The following CILP variants were observed in gnomAD, a reference collection of about 807,000 sequenced individuals.
The protein encoded by CILP is cartilage intermediate layer protein 1.
In CILP, 75 loss-of-function variants were observed where a neutral mutation model predicts 82.5. That is an observed-to-expected ratio of 0.91 (90% confidence interval 0.75 to 1.10). The LOEUF (loss-of-function observed/expected upper bound fraction) is 1.10, where lower values mean the gene tolerates loss of function less well. CILP is among the 50% of genes least tolerant of loss of function. CILP has a pLI of 0.00. For synonymous variants in CILP, 530 were observed against 580.3 expected (o/e 0.91, Z 1.25); for missense variants, 1,479 against 1,530.8 (o/e 0.97, Z 0.56).
chr15:65,208,085 A>G (rs950870252), intron 2 of CILP, among the ~76,000 whole-genome samples: 3 of 152,174 alleles, frequency 2.0e-5, no homozygotes, highest in Non-Finnish European at 1.5e-5. Flanking sequence ...TTGTTCTAGA[A>G]ATGGATTATC....
Position 65,201,888 on chromosome 15 carries a change from G to T in CILP, c.1170C>A (p.Ala390=). 1 of 1,560,418 alleles carries T rather than the reference G, an allele frequency of 6.4e-7. No homozygotes were observed. The highest frequency in any genetic ancestry group is 1.2e-5 in the South Asian group (1 of 83,084). Residue 390 remains alanine, a synonymous_variant, in exon 8 of 9, where the codon GCC becomes GCA. Transcript: ENST00000261883. ...SDAGAVKSKV[A]QLIVIASDET... is the part of the protein sequence containing the mutation. ...CAGGCTTACCTATGACAATCAGCTG[G>T]GCAACCTTGGACTTCACAGCCCCAG...
At position 65,197,627 on chromosome 15, in the gene CILP, C is replaced by T. The variant is rs775599324; in HGVS notation, c.2659G>A (p.Glu887Lys). The stretch of plus-strand genomic sequence containing the variant: ...GCATAGATGGGCCCATTGCTCTCCT[C>T]AGCTGAGTTGGGCCTTGGCTTGGCC... Reference protein sequence around the residue: ...SMAKPRPNSAEESNGPIYAFE... With the variant: ...SMAKPRPNSAKESNGPIYAFE... The change falls in exon 9 of 9, where the codon GAG becomes AAG. Residue 887 changes from glutamate to lysine, a missense_variant. Coordinates refer to ENST00000261883, the MANE Select transcript of CILP (RefSeq NM_003613.4). The T allele has an allele frequency of 1.2e-6, 2 of 1,614,254 alleles. No homozygotes were observed. The highest frequency in any genetic ancestry group is 1.1e-5 in the South Asian group (1 of 91,088).
intron 6 of CILP, 67 bp downstream of exon 6, chr15:65,204,201 G>T: frequency 6.9e-7 from 1 of 1,447,068 alleles, no homozygotes; most frequent in Non-Finnish European, 9.5e-7. Flanking sequence ...CCAGCTTTTA[G>T]CACTATAATC....
At position 65,198,835 on chromosome 15, in the gene CILP, C is replaced by A. The variant is rs370970341; in HGVS notation, c.1451G>T (p.Arg484Leu). Residue 484 changes from arginine to leucine, a missense_variant, in exon 9 of 9, where the codon CGG becomes CTG. Arg to Leu is a moderately radical substitution (Grantham distance 102). Coordinates refer to ENST00000261883, the MANE Select transcript of CILP (RefSeq NM_003613.4). The part of the protein sequence containing the change: ...TKVAKECSCQ[R>L]CTETRSIVRG... Reference sequence around the variant, plus strand: ...CACGATGCTCCGAGTTTCCGTACACCGCTGGCAGCTGCACTCCTTGGCCAC... The same window carrying A: ...CACGATGCTCCGAGTTTCCGTACACAGCTGGCAGCTGCACTCCTTGGCCAC... The A allele has an allele frequency of 2.5e-6, 4 of 1,614,038 alleles. No homozygotes were observed. Among genetic ancestry groups the A allele is most frequent in the African/African-American group, 2.7e-5 (2 of 74,938 alleles).
At chr15:65,202,135 C>T in intron 7 of CILP, 106 bp from the exon 8 acceptor site, 3 of 912,546 alleles carry the variant, frequency 3.3e-6, no homozygotes, top group Non-Finnish European at 4.8e-6. Flanking sequence ...GAATGGGTTC[C>T]CACAAATGTC....
At chr15:65,200,560 T>G (rs563473802) in intron 8 of CILP, among the ~76,000 whole-genome samples, 5 of 152,316 alleles carry the variant, frequency 3.3e-5, no homozygotes, top group African/African-American at 1.2e-4. Context: ...CATCCAGTTC[T>G]GTTCTTGAAG....
Position 65,198,113 on chromosome 15 carries a change from C to T in CILP, c.2173G>A (p.Glu725Lys). ...TTGCCCACCAGGAAGGTTCTGTCTTCTCTTTTGTTCCTCCTTTGATTTTCA... is the reference window on the plus strand; with the variant it reads ...TTGCCCACCAGGAAGGTTCTGTCTTTTCTTTTGTTCCTCCTTTGATTTTCA... Reference protein sequence around the residue: ...KFENQRRNKREDRTFLVGNLE... With the variant: ...KFENQRRNKRKDRTFLVGNLE... Residue 725 changes from glutamate to lysine, a missense_variant, in exon 9 of 9, where the codon GAA becomes AAA. Glu to Lys is a moderately conservative substitution (Grantham distance 56). Transcript: ENST00000261883. 6.2e-7 allele frequency: 1 copy of T among 1,614,250 alleles called. No homozygotes were observed. Among genetic ancestry groups the T allele is most frequent in the Non-Finnish European group, 8.5e-7 (1 of 1,180,054 alleles).
At chr15:65,199,746 C>G (rs946505586) in intron 8 of CILP, among the ~76,000 whole-genome samples, 15 of 152,224 alleles carry the variant, frequency 9.9e-5, no homozygotes, top group Admixed American at 8.5e-4. Flanking sequence ...TTGCTTGAGC[C>G]TGGAAAGTCA....
chr15:65,207,146 A>G lies in CILP; in HGVS notation c.155-95T>C, dbSNP rs113154799. ...CCACCCCCAGCTGGCCTCAGGCCCT[A>G]TCACATTTGTCTCTCCAGTATCTCT... On this transcript the variant is annotated intron_variant, in intron 3 of 8. Transcript: ENST00000261883. 5,953 of 1,378,762 alleles carry G rather than the reference A, an allele frequency of 4.3e-3. 46 individuals are homozygous for G. The highest frequency in any genetic ancestry group is 9.8e-3 in the African/African-American group (688 of 70,458). 85.4% of individuals were successfully genotyped at this position (1,378,762 alleles called of 1,614,324 possible).
chr15:65,211,071 C>T (rs999276758), intron 1 of CILP, among the ~76,000 whole-genome samples: 4 of 152,240 alleles, frequency 2.6e-5, no homozygotes, highest in African/African-American at 9.6e-5. Flanking sequence ...TCCGCCGTTT[C>T]CTCAGCATAT....
At position 65,204,527 on chromosome 15, in the gene CILP, C is replaced by G. The variant is rs368351726; in HGVS notation, c.660G>C (p.Met220Ile). The change falls in exon 6 of 9, where the codon ATG becomes ATC. Residue 220 changes from methionine (M) to isoleucine (I), a missense_variant. Coordinates refer to ENST00000261883, the MANE Select transcript of CILP (RefSeq NM_003613.4). ...GQVNADCDAC[M>I]CQDFMLHGAV... ...CCCCATGAAGCATGAAGTCCTGGCA[C>G]ATGCAGGCATCACAGTCAGCATTCA... The G allele has an allele frequency of 1.3e-4, 210 of 1,613,300 alleles. No homozygotes were observed. The highest frequency in any genetic ancestry group is 1.8e-4 in the Non-Finnish European group (207 of 1,179,824).
rs2088373788 is a variant in CILP at position 65,197,054 on chromosome 15, T to C, written c.3232A>G (p.Thr1078Ala). 8.1e-6 allele frequency: 13 copies of C among 1,614,022 alleles called. No homozygotes were observed. The highest frequency in any genetic ancestry group is 3.3e-5 in the South Asian group (3 of 91,088). ...GTGCGAGGGTCCTGGTCAGTGACAGTGTAGATGCCATAGTTGTGGCCCAGT... is the reference window on the plus strand; with the variant it reads ...GTGCGAGGGTCCTGGTCAGTGACAGCGTAGATGCCATAGTTGTGGCCCAGT... ...DPLGHNYGIY[T>A]VTDQDPRTAK... is the part of the protein sequence containing the mutation. The change falls in exon 9 of 9, where the codon ACT becomes GCT. Residue 1078 changes from threonine to alanine, a missense_variant. Physicochemically the swap from Thr to Ala is moderately conservative, Grantham distance 58. Transcript: ENST00000261883.
chr15:65,201,900 C>T lies in CILP; in HGVS notation c.1158G>A (p.Lys386=). The T allele has an allele frequency of 6.3e-7, 1 of 1,579,704 alleles. No homozygotes were observed. Among genetic ancestry groups the T allele is most frequent in the Non-Finnish European group, 8.6e-7 (1 of 1,164,256 alleles). The change falls in exon 8 of 9, where the codon AAG becomes AAA. Residue 386 remains lysine (K), a synonymous_variant. Coordinates refer to ENST00000261883, the MANE Select transcript of CILP (RefSeq NM_003613.4). ...TGACAATCAGCTGGGCAACCTTGGA[C>T]TTCACAGCCCCAGCATCACTCTGGG... is the stretch of plus-strand genomic sequence containing the variant. The part of the protein sequence containing the change: ...CKAQSDAGAV[K]SKVAQLIVIA...
intron 8 of CILP, among the ~76,000 whole-genome samples, chr15:65,200,835 T>G (rs1180113642): frequency 1.3e-5 from 2 of 152,170 alleles, no homozygotes; most frequent in East Asian, 3.8e-4. Context: ...TCAAACCCAG[T>G]CAGGTCATAC....
At chr15:65,202,098 G>A (rs1032342844) in intron 7 of CILP, 69 bp from the exon 8 acceptor site, 1 of 1,345,374 alleles carries the variant, frequency 7.4e-7, no homozygotes, top group Non-Finnish European at 9.9e-7. Context: ...AAAGTGCCAG[G>A]AGCAGGCAGC....
In CILP at chr15:65,197,527, T is replaced by C. The variant is rs771555017; in HGVS notation, c.2759A>G (p.Asp920Gly). The C allele has an allele frequency of 5.5e-5, 89 of 1,614,022 alleles. No homozygotes were observed. The highest frequency in any genetic ancestry group is 6.7e-5 in the Admixed American group (4 of 59,998). ...GGGGACTGTGTTGTAGTCATATCGATCCCCCTCAATCTGGTAGAACCGGAA... is the reference window on the plus strand; with the variant it reads ...GGGGACTGTGTTGTAGTCATATCGACCCCCCTCAATCTGGTAGAACCGGAA... ...AHFRFYQIEG[D>G]RYDYNTVPFN... Residue 920 changes from aspartate (D) to glycine (G), a missense_variant, in exon 9 of 9, where the codon GAT becomes GGT. Transcript: ENST00000261883.
In CILP at chr15:65,198,534, G is replaced by A; in HGVS notation, c.1752C>T (p.Thr584=). 6.2e-7 allele frequency: 1 copy of A among 1,614,198 alleles called. No homozygotes were observed. Among genetic ancestry groups the A allele is most frequent in the Non-Finnish European group, 8.5e-7 (1 of 1,180,018 alleles). The change falls in exon 9 of 9, where the codon ACC becomes ACT. Residue 584 remains threonine, a synonymous_variant. Transcript: ENST00000261883. ...KKPITLEAME[T]NIIPLGEVVG... ...CCACTTCCCCCAGGGGGATGATGTT[G>A]GTCTCCATGGCTTCCAAAGTGATGG...
At chr15:65,209,546 G>T in intron 2 of CILP, 149 bp downstream of exon 2, 1 of 658,410 alleles carries the variant, frequency 1.5e-6, no homozygotes, top group Non-Finnish European at 2.7e-6. Context: ...AAACAAACAG[G>T]GTATAAATTA....
At chr15:65,202,131 G>A (rs980920306) in intron 7 of CILP, 102 bp from the exon 8 acceptor site, 6 of 965,500 alleles carry the variant, frequency 6.2e-6, no homozygotes, top group African/African-American at 1.7e-5. Context: ...TGATGAATGG[G>A]TTCCCACAAA....
Sources: allele counts gnomAD v4.1 joint callset (sites outside exome capture counted in the v4.1 genomes callset), GRCh38; gene constraint gnomAD v4.1.1; transcripts MANE v1.5; gene names NCBI Gene and HGNC (gene_info 2026-07-23, HGNC 2026-07-21).